Variants in SLC27A5 observed in about 807,000 individuals in gnomAD.
SLC27A5 encodes the protein long-chain fatty acid transport protein 5.
Under a neutral mutation model 63.1 loss-of-function variants are expected in SLC27A5, and 47 were observed. The observed-to-expected ratio is 0.74, with a 90% CI of 0.59 to 0.95. The LOEUF (loss-of-function observed/expected upper bound fraction) is 0.95. Among genes scored for constraint, SLC27A5 ranks in the 40% least tolerant of loss-of-function variants. The pLI, the probability that SLC27A5 is intolerant of heterozygous loss-of-function variation, is 0.00. For missense variants in SLC27A5, 940 were observed against 921.0 expected (o/e 1.02, Z -0.27); for synonymous variants, 391 against 403.8 (o/e 0.97, Z 0.38).
At position 58,500,638 on chromosome 19, in the gene SLC27A5, C is replaced by G. The variant is rs1194274909; in HGVS notation, c.1251G>C (p.Glu417Asp). 2 of 1,614,150 alleles carry G rather than the reference C, an allele frequency of 1.2e-6. No individual in the cohort carries two copies. The highest frequency in any genetic ancestry group is 1.7e-6 in the Non-Finnish European group (2 of 1,180,024). The part of the protein sequence containing the change: ...MGNGLRADVW[E>D]TFQQRFGPIR... ...TAGGACCGAAGCGCTGCTGGAAGGT[C>G]TCCCACACATCAGCCCGTAGTCCAT... is the stretch of plus-strand genomic sequence containing the variant. The change falls in exon 5 of 10, where the codon GAG (glutamate) becomes GAC (aspartate). Residue 417 changes from glutamate to aspartate, a missense_variant. Coordinates refer to ENST00000263093, the MANE Select transcript of SLC27A5 (RefSeq NM_012254.3).
intron 8 of SLC27A5, 63 bp from the exon 9 acceptor site, chr19:58,498,978 C>G (rs933659666): frequency 1.3e-6 from 2 of 1,591,822 alleles, no homozygotes; most frequent in African/African-American, 1.3e-5. Context: ...GACCCTCCAG[C>G]CTCGCCCAGC....
At position 58,498,421 on chromosome 19, in the gene SLC27A5, G is replaced by A; in HGVS notation, c.*94C>T. The A allele has an allele frequency of 2.3e-6, 3 of 1,318,810 alleles. No homozygotes were observed. In the South Asian group the frequency reaches 4.2e-5, roughly 19 times the overall value. The allele number at this position is 1,318,810 out of a possible 1,614,324, so 81.7% of individuals were successfully genotyped here. On this transcript the variant is annotated 3_prime_UTR_variant, in exon 10 of 10. Coordinates refer to ENST00000263093, the MANE Select transcript of SLC27A5 (RefSeq NM_012254.3). ...CTGAGGTTGAGGGTATGGCCAGGCT[G>A]GGATTCACACAGGCCCAGGATGAAA...
In SLC27A5 at chr19:58,511,655, C is replaced by T; in HGVS notation, c.301G>A (p.Gly101Ser). The T allele has an allele frequency of 1.3e-6, 2 of 1,599,924 alleles. No homozygotes were observed. Among genetic ancestry groups the T allele is most frequent in the African/African-American group, 1.3e-5 (1 of 74,772 alleles). Reference protein sequence around the residue: ...VIFLAKILHLGLKIRGCLSRQ... With the variant: ...VIFLAKILHLSLKIRGCLSRQ... ...CTCAAGCATCCCCTGATCTTCAGGCCCAGGTGGAGGATCTTGGCCAAGAAG... is the reference window on the plus strand; with the variant it reads ...CTCAAGCATCCCCTGATCTTCAGGCTCAGGTGGAGGATCTTGGCCAAGAAG... Residue 101 changes from glycine (G) to serine (S), a missense_variant, in exon 1 of 10, where the codon GGC (glycine) becomes AGC (serine). Physicochemically the swap from Gly to Ser is moderately conservative, Grantham distance 56. Transcript: ENST00000263093.
Position 58,499,136 on chromosome 19 carries a change from G to C in SLC27A5, c.1752C>G (p.Gly584=), listed in dbSNP as rs771502444. The change falls in exon 8 of 10, where the codon GGC becomes GGG. Residue 584 remains glycine (G), a synonymous_variant. Transcript: ENST00000263093. ...AACCCTCCGCACCTGGCACGCACAC[G>C]CCATACACGTTAACCTGTTGCAAGA... The part of the protein sequence containing the change: ...VDFLQQVNVY[G]VCVPGCEGKV... 6.2e-7 allele frequency: 1 copy of C among 1,613,948 alleles called. No homozygotes were observed. Among genetic ancestry groups the C allele is most frequent in the Non-Finnish European group, 8.5e-7 (1 of 1,179,976 alleles).
In SLC27A5 at chr19:58,511,852, C is replaced by A. The variant is rs2053418030; in HGVS notation, c.104G>T (p.Trp35Leu). The change falls in exon 1 of 10, where the codon TGG becomes TTG. Residue 35 changes from tryptophan (W) to leucine (L), a missense_variant. Physicochemically the swap from Trp to Leu is moderately conservative, Grantham distance 61. Transcript: ENST00000263093. ...GCAACATGTGGGATCCCCCAGGAGC[C>A]AGCGCAGGGTCAAGGCCACAGCGAC... is the stretch of plus-strand genomic sequence containing the variant. ...WPVAVALTLR[W>L]LLGDPTCCVL... 8 of 1,558,524 alleles carry A rather than the reference C, an allele frequency of 5.1e-6. No homozygotes were observed. Among genetic ancestry groups the A allele is most frequent in the African/African-American group, 1.4e-5 (1 of 73,374 alleles).
In SLC27A5 at chr19:58,500,572, C is replaced by T. The variant is rs1240158372; in HGVS notation, c.1317G>A (p.Met439Ile). The T allele has an allele frequency of 1.9e-6, 3 of 1,614,110 alleles. No homozygotes were observed. Among genetic ancestry groups the T allele is most frequent in the South Asian group, 1.1e-5 (1 of 91,088 alleles). ...AGCGCCCCACATAGTTGACTAAGCC[C>T]ATGTTGCCTTCTGTGGAGCCGTAGA... The part of the protein sequence containing the change: ...WEVYGSTEGN[M>I]GLVNYVGRCG... The change falls in exon 5 of 10, where the codon ATG becomes ATA. Residue 439 changes from methionine to isoleucine, a missense_variant. Met to Ile is a conservative substitution (Grantham distance 10). Coordinates refer to ENST00000263093, the MANE Select transcript of SLC27A5 (RefSeq NM_012254.3).
chr19:58,498,938 TC>T (rs1340474984), intron 8 of SLC27A5, 23 bp from the exon 9 acceptor site: 2 of 1,604,608 alleles, frequency 1.2e-6, no homozygotes, highest in Admixed American at 3.3e-5. Context: ...CTGGTCACTC[TC>T]GGCTGACCCA....
chr19:58,499,581 C>T lies in SLC27A5; in HGVS notation c.1578G>A (p.Ser526=), dbSNP rs529955045. 7 of 1,612,856 alleles carry T rather than the reference C, an allele frequency of 4.3e-6. No homozygotes were observed. In the African/African-American group the frequency reaches 6.7e-5, roughly 15 times the overall value. The stretch of plus-strand genomic sequence containing the variant: ...CCCCGGTGTTGTAGTAAACGTCGCC[C>T]GATTGCCGCACGTTGCGCACCAGCT... ...ERKLVRNVRQ[S]GDVYYNTGDV... Residue 526 remains serine, a synonymous_variant, in exon 7 of 10, where the codon TCG becomes TCA. Coordinates refer to ENST00000263093, the MANE Select transcript of SLC27A5 (RefSeq NM_012254.3).
intron 3 of SLC27A5, among the ~76,000 whole-genome samples, chr19:58,502,931 G>C (rs1055834326): frequency 6.6e-5 from 10 of 151,996 alleles, no homozygotes; most frequent in African/African-American, 2.2e-4. Flanking sequence ...AGGTGGCTGG[G>C]TGAGGATCGT....
intron 1 of SLC27A5, 36 bp from the exon 2 acceptor site, chr19:58,510,966 G>A (rs1364253391): frequency 1.3e-6 from 2 of 1,517,014 alleles, no homozygotes; most frequent in Non-Finnish European, 1.8e-6. Flanking sequence ...CAGAGGCAAG[G>A]CTCACCTTTG....
chr19:58,507,398 CTT>C (rs2053359835), intron 3 of SLC27A5: 3 of 152,130 alleles, frequency 2.0e-5, no homozygotes, highest in African/African-American at 7.2e-5. Flanking sequence ...AAATAATACT[CTT>C]ATAATTTCTT....
Position 58,499,141 on chromosome 19 carries a change from A to T in SLC27A5, c.1747T>A (p.Tyr583Asn). Reference protein sequence around the residue: ...QVDFLQQVNVYGVCVPGCEGK... With the variant: ...QVDFLQQVNVNGVCVPGCEGK... ...TCCGCACCTGGCACGCACACGCCAT[A>T]CACGTTAACCTGTTGCAAGAAGTCC... Residue 583 changes from tyrosine (Y) to asparagine (N), a missense_variant, in exon 8 of 10, where the codon TAT (tyrosine) becomes AAT (asparagine). Transcript: ENST00000263093. The T allele has an allele frequency of 6.2e-7, 1 of 1,614,048 alleles. No individual in the cohort carries two copies. The highest frequency in any genetic ancestry group is 8.5e-7 in the Non-Finnish European group (1 of 1,180,022).
intron 4 of SLC27A5, 143 bp downstream of exon 4, chr19:58,501,143 G>T: frequency 7.8e-7 from 1 of 1,287,628 alleles, no homozygotes; most frequent in Non-Finnish European, 1.1e-6. Context: ...TGGAAGCCTT[G>T]TCTGAAACTC....
At chr19:58,511,019 G>C (rs2122530619) in intron 1 of SLC27A5, 89 bp from the exon 2 acceptor site, 1 of 1,117,032 alleles carries the variant, frequency 9.0e-7, no homozygotes, top group East Asian at 2.5e-5. Flanking sequence ...GCAGGCAGAG[G>C]AGCAGCTAGT....
In SLC27A5 at chr19:58,501,424, G is replaced by A. The variant is rs2053272645; in HGVS notation, c.1058-14C>T. The A allele has an allele frequency of 1.2e-6, 2 of 1,611,078 alleles. No individual in the cohort carries two copies. The highest frequency in any genetic ancestry group is 1.7e-6 in the Non-Finnish European group (2 of 1,178,440). ...CACAGGTGGCTCCTGGGAGATGACA[G>A]GAGAGGGGGTTTCAGGTCATGCTTC... On this transcript the variant is annotated splice_polypyrimidine_tract_variant and intron_variant, in intron 3 of 9. Transcript: ENST00000263093.
At chr19:58,500,460 T>G (rs749365770) in intron 5 of SLC27A5, 31 bp from the exon 6 acceptor site, 12 of 1,613,392 alleles carry the variant, frequency 7.4e-6, no homozygotes, top group Non-Finnish European at 1.0e-5. Flanking sequence ...TTGACATAGG[T>G]CCTGTGGGCT....
Position 58,510,855 on chromosome 19 carries a change from G to T in SLC27A5, c.764C>A (p.Thr255Asn). 6.2e-7 allele frequency: 1 copy of T among 1,613,274 alleles called. No homozygotes were observed. Among genetic ancestry groups the T allele is most frequent in the Non-Finnish European group, 8.5e-7 (1 of 1,179,742 alleles). Reference protein sequence around the residue: ...ENIRCFYLSHTSPTPGVGALG... With the variant: ...ENIRCFYLSHNSPTPGVGALG... ...AGCCCCCACCCCTGGTGTAGGGGAG[G>T]TATGGCTGAGGTAGAAGCAGCGGAT... Residue 255 changes from threonine to asparagine, a missense_variant, in exon 2 of 10, where the codon ACC becomes AAC. Physicochemically the swap from Thr to Asn is moderately conservative, Grantham distance 65 (BLOSUM62 0). Coordinates refer to ENST00000263093, the MANE Select transcript of SLC27A5 (RefSeq NM_012254.3).
intron 6 of SLC27A5, 67 bp from the exon 7 acceptor site, chr19:58,499,757 A>G: frequency 3.4e-6 from 5 of 1,471,964 alleles, no homozygotes; most frequent in Non-Finnish European, 3.7e-6. Context: ...GAGGTTTTCA[A>G]CAACGGTGGA....
At chr19:58,502,515 GAAGA>G (rs1427363152) in intron 3 of SLC27A5, among the ~76,000 whole-genome samples, 179 of 70,858 alleles carry the variant, frequency 2.5e-3, no homozygotes, top group Middle Eastern at 7.5e-3. Context: ...TAGTGAGTGA[GAAGA>G]TGGATGGGTG....
Sources: gnomAD v4.1 joint callset for allele counts (sites outside exome capture counted in the v4.1 genomes callset) on GRCh38, gnomAD v4.1.1 for gene constraint, MANE v1.5 for transcripts, NCBI Gene and HGNC (gene_info 2026-07-23, HGNC 2026-07-21) for gene names.